SOX30: variants seen among roughly 807,000 people sequenced by gnomAD.
SOX30 encodes transcription factor SOX-30.
A neutral mutation model predicts 58.6 loss-of-function variants in SOX30; 17 were observed. The ratio of observed to expected loss-of-function variants is 0.29; its 90% CI spans 0.20 to 0.44. The LOEUF is 0.44. Ranked by LOEUF, SOX30 falls within the 20% of genes least tolerant of loss-of-function variation. The pLI, the probability that SOX30 is intolerant of heterozygous loss-of-function variation, is 1.00. For missense variants in SOX30, 951 were observed against 965.8 expected, an observed-to-expected ratio of 0.98 and a Z score of 0.20; for synonymous variants, 421 against 400.2, an observed-to-expected ratio of 1.05 and a Z score of -0.62.
chr5:157,658,335 C>T (rs1561589240), intron 2 of SOX30, among the ~76,000 whole-genome samples: 1 of 152,202 alleles, frequency 6.6e-6, no homozygotes, highest in East Asian at 1.9e-4. Context: ...GTTTCAGAAA[C>T]TGTGGTACAC....
At position 157,648,905 on chromosome 5, in the gene SOX30, C is replaced by G. The variant is rs545427410; in HGVS notation, c.968-9G>C. ...GGGAGTATCTGGTATGCCTACATGA[C>G]AAAAATTAAAAGGCTAAATTAATGT... On this transcript the variant is annotated splice_polypyrimidine_tract_variant and intron_variant, in intron 1 of 4. Coordinates refer to ENST00000265007, the MANE Select transcript of SOX30 (RefSeq NM_178424.2). 1.8e-5 allele frequency: 29 copies of G among 1,576,400 alleles called. No homozygotes were observed. In the Admixed American group the frequency reaches 3.9e-4, roughly 21 times the overall value.
exon 1 of SOX30, chr5:157,671,432 C>T: frequency 3.4e-6 from 2 of 593,656 alleles, no homozygotes; most frequent in Middle Eastern, 4.5e-4. Flanking sequence ...GGCCGCCGGA[C>T]TCTGCACGCA....
rs1395481917 is a variant in SOX30 at position 157,626,702 on chromosome 5, G to A, written c.1900C>T (p.Pro634Ser). Residue 634 changes from proline (P) to serine (S), a missense_variant, in exon 5 of 5, where the codon CCT becomes TCT. This residue lies in a region of SOX30 where 381 missense variants were observed against 390.0 expected (regional missense o/e 0.98). Coordinates refer to ENST00000265007, the MANE Select transcript of SOX30 (RefSeq NM_178424.2). Reference sequence around the variant, plus strand: ...GGAAAATTTCCATAGCCAAAGGGAGGCCGACTGTAAGGGCATGTACTGCAG... The same window carrying A: ...GGAAAATTTCCATAGCCAAAGGGAGACCGACTGTAAGGGCATGTACTGCAG... ...FPSSTCPYSRPPFGYGNFPSS... is the reference protein window; with the variant it reads ...FPSSTCPYSRSPFGYGNFPSS... 1.2e-6 allele frequency: 2 copies of A among 1,609,670 alleles called. No homozygotes were observed. Among genetic ancestry groups the A allele is most frequent in the Non-Finnish European group, 1.7e-6 (2 of 1,178,244 alleles).
chr5:157,667,901 C>T lies in SOX30; in HGVS notation c.-3-49G>A, dbSNP rs1759702032. On this transcript the variant is annotated intron_variant, in intron 1 of 5. Transcript: ENST00000519442. The stretch of plus-strand genomic sequence containing the variant: ...CTGTTTACTGAGCACCTATGACCTG[C>T]AAGGCATTTTATATCTTACCTCATT... The T allele has an allele frequency of 7.0e-5, 107 of 1,521,712 alleles. 1 individual carries two copies. The South Asian group carries it at 1.2e-3, about 17-fold the overall frequency. The allele number at this position is 1,521,712 out of a possible 1,614,324, so 94.3% of individuals were successfully genotyped here.
chr5:157,667,749 C>T (rs1759698494), intron 2 of SOX30: 1 of 1,420,498 alleles, frequency 7.0e-7, no homozygotes. Flanking sequence ...AGAATACATA[C>T]ATACATACAT....
intron 4 of SOX30, among the ~76,000 whole-genome samples, chr5:157,627,190 C>T (rs560587730): frequency 6.6e-6 from 1 of 152,070 alleles, no homozygotes; most frequent in Non-Finnish European, 1.5e-5. Flanking sequence ...AGTGAAACCC[C>T]ATCTCTACTA....
At chr5:157,666,817 C>T (rs1052680866) in intron 2 of SOX30, among the ~76,000 whole-genome samples, 5 of 152,176 alleles carry the variant, frequency 3.3e-5, no homozygotes, top group Admixed American at 1.3e-4. Flanking sequence ...GCGATTCTCC[C>T]GCCTCAGCCT....
At chr5:157,645,366 T>A (rs1759163522) in intron 3 of SOX30, among the ~76,000 whole-genome samples, 1 of 151,984 alleles carries the variant, frequency 6.6e-6, no homozygotes. Context: ...GCAGTCTTAG[T>A]AGGTTTAAGA....
chr5:157,667,944 C>T (rs1759702680), intron 1 of SOX30: 3 of 1,356,918 alleles, frequency 2.2e-6, no homozygotes, highest in African/African-American at 2.9e-5. Flanking sequence ...CACAACAACA[C>T]TTGTCAGGCA....
intron 3 of SOX30, among the ~76,000 whole-genome samples, chr5:157,646,275 G>A (rs1309984597): frequency 2.6e-5 from 4 of 152,168 alleles, no homozygotes; most frequent in Non-Finnish European, 4.4e-5. Flanking sequence ...TTCCAGGACA[G>A]GATGCCTCAT....
chr5:157,645,144 T>A (rs534180365), intron 3 of SOX30, among the ~76,000 whole-genome samples: 5 of 152,276 alleles, frequency 3.3e-5, no homozygotes, highest in African/African-American at 1.2e-4. Flanking sequence ...GCTTTCTGCA[T>A]CTCTCTCTTG....
At chr5:157,657,016 C>A (rs1394342646), upstream of SOX30, among the ~76,000 whole-genome samples, 2 of 152,128 alleles carry the variant, frequency 1.3e-5, no homozygotes, top group Non-Finnish European at 2.9e-5. Context: ...GAGAATCTTA[C>A]CTTATAGTCA....
At chr5:157,641,204 C>A (rs1324249512) in intron 3 of SOX30, among the ~76,000 whole-genome samples, 1 of 151,730 alleles carries the variant, frequency 6.6e-6, no homozygotes, top group African/African-American at 2.4e-5. Context: ...GACTGGGCAA[C>A]CTAGCAAGAT....
chr5:157,659,247 A>G (rs1294866002), intron 2 of SOX30, among the ~76,000 whole-genome samples: 1 of 152,194 alleles, frequency 6.6e-6, no homozygotes, highest in Non-Finnish European at 1.5e-5. Flanking sequence ...AGATCCAAGA[A>G]CCTTCTCTTG....
upstream of SOX30, among the ~76,000 whole-genome samples, chr5:157,655,859 T>C (rs1759461037): frequency 6.6e-6 from 1 of 152,210 alleles, no homozygotes. Flanking sequence ...GCCAATCTGG[T>C]GTGTTTCCTG....
At chr5:157,638,177 T>TAAA (rs1758974654) in intron 4 of SOX30, 53 bp downstream of exon 4, 1 of 1,479,948 alleles carries the variant, frequency 6.8e-7, no homozygotes, top group African/African-American at 1.4e-5. Flanking sequence ...TTGTCACAGG[T>TAAA]AAAAACTCAT....
At position 157,648,519 on chromosome 5, in the gene SOX30, T is replaced by A. The variant is rs1759250269; in HGVS notation, c.1207+138A>T. ...CCCAGTGTCATTTCAATCATTGTTA[T>A]AATATTAGTCATTATTCTCTTTATT... On this transcript the variant is annotated intron_variant, in intron 2 of 4. Transcript: ENST00000265007. 4.0e-6 allele frequency: 3 copies of A among 754,824 alleles called. No homozygotes were observed. In the African/African-American group the frequency reaches 5.3e-5, roughly 13 times the overall value. 46.8% of individuals were successfully genotyped at this position (754,824 alleles called of 1,614,324 possible). A position where few individuals can be genotyped will look rare whatever the true frequency, so the allele number is the denominator to read the frequency against.
At position 157,651,372 on chromosome 5, in the gene SOX30, A is replaced by C. The variant is rs1443091851; in HGVS notation, c.707T>G (p.Val236Gly). 1.2e-6 allele frequency: 2 copies of C among 1,613,636 alleles called. No homozygotes were observed. The highest frequency in any genetic ancestry group is 1.7e-6 in the Non-Finnish European group (2 of 1,180,028). ...LGAEPASNGL[V>G]HGSAEVILAP... is the part of the protein sequence containing the mutation. ...CAAGATGACCTCCGCGCTGCCATGA[A>C]CCAGGCCATTGGACGCGGGCTCCGC... is the stretch of plus-strand genomic sequence containing the variant. Residue 236 changes from valine (V) to glycine (G), a missense_variant, in exon 1 of 5, where the codon GTT (valine) becomes GGT (glycine). Physicochemically the swap from Val to Gly is moderately radical, Grantham distance 109. Transcript: ENST00000265007.
At chr5:157,635,205 C>T (rs765859294) in intron 4 of SOX30, among the ~76,000 whole-genome samples, 4 of 152,206 alleles carry the variant, frequency 2.6e-5, no homozygotes, top group Non-Finnish European at 4.4e-5. Context: ...TGACATACTG[C>T]TCTGACATTC....
Sources: gnomAD v4.1 joint callset for allele counts (sites outside exome capture counted in the v4.1 genomes callset) on GRCh38, gnomAD v4.1.1 for gene constraint, gnomAD v4.1.1 regional missense constraint, MANE v1.5 for transcripts, NCBI Gene and HGNC (gene_info 2026-07-23, HGNC 2026-07-21) for gene names.